Variants in SAMM50 observed in about 807,000 individuals in gnomAD.
SAMM50 encodes the protein SAMM50 sorting and assembly machinery component.
In SAMM50, 47 loss-of-function variants were observed where a neutral mutation model predicts 66.9. The ratio of observed to expected loss-of-function variants is 0.70; its 90% CI spans 0.56 to 0.90. The LOEUF (loss-of-function observed/expected upper bound fraction) is 0.90. Ranked by LOEUF, SAMM50 falls within the 40% of genes least tolerant of loss-of-function variation. SAMM50 has a pLI of 0.00. For missense variants in SAMM50, 535 were observed against 595.3 expected (o/e 0.90, Z 1.05); for synonymous variants, 191 against 214.1 (o/e 0.89, Z 0.94).
At chr22:43,990,022 C>T (rs2050314654) in intron 13 of SAMM50, among the ~76,000 whole-genome samples, 1 of 152,184 alleles carries the variant, frequency 6.6e-6, no homozygotes, top group South Asian at 2.1e-4. Flanking sequence ...GCAGAGGGAA[C>T]AGAATATGCC....
chr22:43,995,777 C>T (rs912977062), intron 14 of SAMM50, among the ~76,000 whole-genome samples: 1 of 152,226 alleles, frequency 6.6e-6, no homozygotes, highest in Non-Finnish European at 1.5e-5. Context: ...TGGAGTCACA[C>T]CTGCAGAAGG....
chr22:43,964,654 G>C, intron 3 of SAMM50, 101 bp downstream of exon 3: 1 of 639,912 alleles, frequency 1.6e-6, no homozygotes, highest in Non-Finnish European at 2.8e-6. Flanking sequence ...CGGCCTCTGT[G>C]CCGGAGATCT....
chr22:43,977,166 G>GCT (rs2050237113), intron 9 of SAMM50, among the ~76,000 whole-genome samples: 1 of 152,204 alleles, frequency 6.6e-6, no homozygotes, highest in Admixed American at 6.5e-5. Context: ...ATGGCTGCAG[G>GCT]GCAGGTGCAT....
intron 1 of SAMM50, among the ~76,000 whole-genome samples, chr22:43,962,820 T>C (rs2146806675): frequency 6.6e-6 from 1 of 151,756 alleles, no homozygotes; most frequent in East Asian, 1.9e-4. Context: ...CAGAATTAGG[T>C]TGGTCATAAT....
At position 43,996,444 on chromosome 22, in the gene SAMM50, A is replaced by G; in HGVS notation, c.*61A>G. The G allele has an allele frequency of 1.3e-6, 2 of 1,501,662 alleles. No individual in the cohort carries two copies. Among genetic ancestry groups the G allele is most frequent in the Non-Finnish European group, 1.9e-6 (2 of 1,077,578 alleles). The allele number at this position is 1,501,662 out of a possible 1,614,324, so 93.0% of individuals were successfully genotyped here. On this transcript the variant is annotated 3_prime_UTR_variant, in exon 15 of 15. Coordinates refer to ENST00000350028, the MANE Select transcript of SAMM50 (RefSeq NM_015380.5). ...CAGCAGCAAGGCGCCCATGCCACACACCGTCTCTCGAGGAAACGCGGTTCA... is the reference window on the plus strand; with the variant it reads ...CAGCAGCAAGGCGCCCATGCCACACGCCGTCTCTCGAGGAAACGCGGTTCA...
rs990742760 is a variant in SAMM50 at position 43,989,056 on chromosome 22, C to T, written c.1076-55C>T. 8 of 1,565,656 alleles carry T rather than the reference C, an allele frequency of 5.1e-6. No individual in the cohort carries two copies. In the African/African-American group the frequency reaches 5.5e-5, roughly 11 times the overall value. Reference sequence around the variant, plus strand: ...GCTTCTGTAAGTTGTGGAAAGTTAACGTGATGTTAACCTTGTCGGACCTTG... The same window carrying T: ...GCTTCTGTAAGTTGTGGAAAGTTAATGTGATGTTAACCTTGTCGGACCTTG... On this transcript the variant is annotated intron_variant, in intron 12 of 14. Coordinates refer to ENST00000350028, the MANE Select transcript of SAMM50 (RefSeq NM_015380.5).
chr22:43,981,515 T>C (rs1477543694), intron 11 of SAMM50, 54 bp downstream of exon 11: 3 of 1,270,172 alleles, frequency 2.4e-6, no homozygotes, highest in East Asian at 4.6e-5. Flanking sequence ...TTGGATCTTT[T>C]CAGTTGTTTT....
intron 10 of SAMM50, among the ~76,000 whole-genome samples, chr22:43,979,421 G>A (rs945125788): frequency 3.3e-5 from 5 of 152,140 alleles, no homozygotes; most frequent in East Asian, 1.9e-4. Context: ...CAGTGCACCC[G>A]GCTGCCCTTG....
intron 1 of SAMM50, among the ~76,000 whole-genome samples, chr22:43,958,069 G>C (rs1984429682): frequency 6.6e-6 from 1 of 152,184 alleles, no homozygotes; most frequent in African/African-American, 2.4e-5. Context: ...CAGAATTCTT[G>C]TTAGCCCTGT....
intron 12 of SAMM50, among the ~76,000 whole-genome samples, chr22:43,985,492 C>T (rs2050287634): frequency 6.6e-6 from 1 of 152,080 alleles, no homozygotes; most frequent in African/African-American, 2.4e-5. Flanking sequence ...TAGTAATATG[C>T]ACTTAAGGTC....
chr22:43,966,657 A>T lies in SAMM50; in HGVS notation c.235-2074A>T, dbSNP rs541422865. On this transcript the variant is annotated intron_variant, in intron 3 of 14. Transcript: ENST00000350028. ...AGGTGTGAGCCACTGCACCCGGCCC[A>T]CAAGTCCACTCTCTTACAGCAGTCC... Among the ~76,000 whole-genome samples, 84 of 152,264 alleles carry T rather than the reference A, an allele frequency of 5.5e-4. 3 individuals carry two copies. The South Asian group carries it at 0.017, about 31-fold the overall frequency.
intron 10 of SAMM50, among the ~76,000 whole-genome samples, chr22:43,978,599 C>T (rs1423439965): frequency 6.6e-6 from 1 of 151,784 alleles, no homozygotes; most frequent in African/African-American, 2.4e-5. Context: ...TGAGTCTTCA[C>T]TTTGCTGGGT....
At chr22:43,981,502 C>A in intron 11 of SAMM50, 41 bp downstream of exon 11, 1 of 1,392,878 alleles carries the variant, frequency 7.2e-7, no homozygotes, top group Non-Finnish European at 1.0e-6. Flanking sequence ...CACATATTTT[C>A]CTTTGGATCT....
At chr22:43,965,877 T>G (rs2050170668) in intron 3 of SAMM50, among the ~76,000 whole-genome samples, 1 of 152,204 alleles carries the variant, frequency 6.6e-6, no homozygotes, top group African/African-American at 2.4e-5. Flanking sequence ...GTGCAAGTCC[T>G]GCTCAGGCTG....
chr22:43,987,387 T>C (rs1302912546), intron 12 of SAMM50: 1 of 152,154 alleles, frequency 6.6e-6, no homozygotes. Flanking sequence ...TGAGTAAATC[T>C]CAGAAACATG....
At position 43,983,825 on chromosome 22, in the gene SAMM50, T is replaced by A; in HGVS notation, c.1008-108T>A. 1.4e-6 allele frequency: 1 copy of A among 739,452 alleles called. No homozygotes were observed. The highest frequency in any genetic ancestry group is 2.3e-6 in the Non-Finnish European group (1 of 438,728). The allele number at this position is 739,452 out of a possible 1,614,324, so 45.8% of individuals were successfully genotyped here. A position where few individuals can be genotyped will look rare whatever the true frequency, so the allele number is the denominator to read the frequency against. On this transcript the variant is annotated intron_variant, in intron 11 of 14. Transcript: ENST00000350028. The surrounding 1 kb of genome is among the most constrained non-coding windows in gnomAD (Gnocchi z 4.2). The stretch of plus-strand genomic sequence containing the variant: ...TTTTGCCTTGTAAAAATGCTGTCGA[T>A]AATCTAGTATCGAATGTGAGTCTGA...
intron 1 of SAMM50, among the ~76,000 whole-genome samples, chr22:43,959,507 T>TACACACAC (rs138315774): frequency 0.11 from 14,848 of 138,420 alleles, 878 homozygotes; most frequent in African/African-American, 0.12. Flanking sequence ...TTTTTTATAT[T>TACACACAC]ACACACACAC....
intron 3 of SAMM50, among the ~76,000 whole-genome samples, chr22:43,965,846 C>G (rs1394763747): frequency 6.7e-6 from 1 of 150,216 alleles, no homozygotes; most frequent in African/African-American, 2.5e-5. Context: ...ATTTTTTTTT[C>G]TGAGATAGGG....
At chr22:43,978,166 G>A (rs572532771) in intron 10 of SAMM50, among the ~76,000 whole-genome samples, 6 of 152,012 alleles carry the variant, frequency 3.9e-5, no homozygotes, top group Non-Finnish European at 8.8e-5. Context: ...TCTGATGGCC[G>A]GGCGCAGTGG....
Sources: allele counts gnomAD v4.1 joint callset (sites outside exome capture counted in the v4.1 genomes callset), GRCh38; gene constraint gnomAD v4.1.1; non-coding constraint Gnocchi (gnomAD v3.1); transcripts MANE v1.5; gene names NCBI Gene and HGNC (gene_info 2026-07-23, HGNC 2026-07-21).